OS9: variants seen among roughly 807,000 people sequenced by gnomAD.
OS9 encodes OS9 endoplasmic reticulum lectin.
In OS9, 58 loss-of-function variants were observed where a neutral mutation model predicts 84.7. That is an observed-to-expected ratio of 0.68 (90% CI 0.55 to 0.85). The LOEUF (loss-of-function observed/expected upper bound fraction) is 0.85. Among genes scored for constraint, OS9 ranks in the 40% least tolerant of loss-of-function variants. The pLI is 0.00. For synonymous variants in OS9, 278 were observed against 320.8 expected, an observed-to-expected ratio of 0.87 and a Z score of 1.43; for missense variants, 760 against 850.9, an observed-to-expected ratio of 0.89 and a Z score of 1.33.
intron 2 of OS9, 43 bp from the exon 3 acceptor site, chr12:57,695,737 G>A (rs1404578168): frequency 1.1e-5 from 14 of 1,286,320 alleles, no homozygotes; most frequent in Non-Finnish European, 1.5e-5. Flanking sequence ...AAGAAAAGAT[G>A]TCTGCACTCC....
rs1393596433 is a variant in OS9 at position 57,715,923 on chromosome 12, C to G, written c.743C>G (p.Pro248Arg). ...GCACCGCAGGCCATCCTCTGTCACC[C>G]TTCCCTACAGCCTGAGGAGTACATG... is the stretch of plus-strand genomic sequence containing the variant. ...SAAPQAILCH[P>R]SLQPEEYMAY... The change falls in exon 6 of 15, where the codon CCT becomes CGT. Residue 248 changes from proline to arginine, a missense_variant. Pro to Arg is a moderately radical substitution (Grantham distance 103, BLOSUM62 -2). Transcript: ENST00000315970. The G allele has an allele frequency of 3.1e-6, 5 of 1,613,378 alleles. No homozygotes were observed.
chr12:57,721,025 C>A lies in OS9; in HGVS notation c.*116C>A. 1 of 1,224,784 alleles carries A rather than the reference C, an allele frequency of 8.2e-7. No homozygotes were observed. Among genetic ancestry groups the A allele is most frequent in the Non-Finnish European group, 1.2e-6 (1 of 858,876 alleles). The allele number at this position is 1,224,784 out of a possible 1,614,324, so 75.9% of individuals were successfully genotyped here. On this transcript the variant is annotated 3_prime_UTR_variant, in exon 15 of 15. Transcript: ENST00000315970. ...GGCCAAACAGCAGAGTGGAGCTGAG[C>A]TGTGGACCTCTCGGGCAACTCTGTG... is the stretch of plus-strand genomic sequence containing the variant.
Position 57,721,056 on chromosome 12 carries a change from G to A in OS9, c.*147G>A. ...ACCTCTCGGGCAACTCTGTGGGTGT[G>A]GGGGCCCTGGGTGAATGCTGCTGCC... On this transcript the variant is annotated 3_prime_UTR_variant, in exon 15 of 15. Transcript: ENST00000315970. The A allele has an allele frequency of 1.2e-6, 1 of 859,804 alleles. No homozygotes were observed. The highest frequency in any genetic ancestry group is 1.8e-6 in the Non-Finnish European group (1 of 557,708). 53.3% of individuals were successfully genotyped at this position (859,804 alleles called of 1,614,324 possible). A position where few individuals can be genotyped will look rare whatever the true frequency, so the allele number is the denominator to read the frequency against.
chr12:57,708,944 G>C (rs959463626), intron 5 of OS9, among the ~76,000 whole-genome samples: 10 of 152,178 alleles, frequency 6.6e-5, no homozygotes, highest in Admixed American at 4.6e-4. Context: ...TTTCCCTATA[G>C]CCGTGCCAAC....
At chr12:57,716,370 C>T (rs985665594) in intron 7 of OS9, 42 bp from the exon 8 acceptor site, 2 of 1,483,062 alleles carry the variant, frequency 1.3e-6, no homozygotes, top group Non-Finnish European at 1.8e-6. Flanking sequence ...TCTGTCTCAC[C>T]CCTCCTGTCA....
Position 57,717,970 on chromosome 12 carries a change from G to C in OS9, c.1134+12G>C, listed in dbSNP as rs1954554691. On this transcript the variant is annotated intron_variant, in intron 10 of 14. Coordinates refer to ENST00000315970, the MANE Select transcript of OS9 (RefSeq NM_006812.4). ...GTGGAACAAAAAAGGTATAGGCCGT[G>C]CTTAGGGAATGGGTAGAACCCACCT... 6.2e-7 allele frequency: 1 copy of C among 1,601,102 alleles called. No homozygotes were observed. The highest frequency in any genetic ancestry group is 8.5e-7 in the Non-Finnish European group (1 of 1,174,748).
chr12:57,713,491 C>G (rs1057433725), intron 5 of OS9, among the ~76,000 whole-genome samples: 2 of 152,098 alleles, frequency 1.3e-5, no homozygotes, highest in Middle Eastern at 3.2e-3. Context: ...CAATCAGGGC[C>G]CCGATACTTT....
In OS9 at chr12:57,707,964, G is replaced by A. The variant is rs190181492; in HGVS notation, c.580-7796G>A. On this transcript the variant is annotated intron_variant, in intron 5 of 14. Transcript: ENST00000315970. ...AAAAATTAGCCAGGTGTGGTGGCAC[G>A]TGCCTGTGGTCCCAGCTACTTGGGA... Among the ~76,000 whole-genome samples the A allele has an allele frequency of 1.4e-4, 21 of 150,698 alleles. 1 individual carries two copies. In the East Asian group the frequency reaches 3.2e-3, roughly 23 times the overall value.
chr12:57,705,683 G>A (rs904410185), intron 5 of OS9, among the ~76,000 whole-genome samples: 2 of 152,070 alleles, frequency 1.3e-5, no homozygotes, highest in South Asian at 2.1e-4. Flanking sequence ...GTACCACCAC[G>A]CCCAGCTAAT....
intron 5 of OS9, among the ~76,000 whole-genome samples, chr12:57,707,000 C>CT (rs2140310662): frequency 6.6e-6 from 1 of 152,002 alleles, no homozygotes; most frequent in African/African-American, 2.4e-5. Context: ...CATCATGAAG[C>CT]TTTAATAAAG....
In OS9 at chr12:57,720,252, TCA is replaced by T; in HGVS notation, c.1757_1758del (p.Thr586SerfsTer6). 3 of 1,613,848 alleles carry T rather than the reference TCA, an allele frequency of 1.9e-6. No individual in the cohort carries two copies. Among genetic ancestry groups the T allele is most frequent in the Non-Finnish European group, 2.5e-6 (3 of 1,179,916 alleles). On this transcript the variant is annotated frameshift_variant, in exon 13 of 15. Coordinates refer to ENST00000315970, the MANE Select transcript of OS9 (RefSeq NM_006812.4). LOFTEE classifies it high-confidence loss of function. ...AAGGAGCTGCTGGAGAGGGAGGGAC[TCA>T]CAGCTGCAGGTGGGCCCTGGAGGGC...
intron 5 of OS9, among the ~76,000 whole-genome samples, chr12:57,714,404 C>T (rs1486434786): frequency 2.0e-5 from 3 of 152,120 alleles, no homozygotes; most frequent in Non-Finnish European, 4.4e-5. Context: ...GGGGTTTCTC[C>T]ATGTTGGTCA....
In OS9 at chr12:57,718,542, G is replaced by T; in HGVS notation, c.1410+121G>T. 4.8e-6 allele frequency: 5 copies of T among 1,042,072 alleles called. No homozygotes were observed. The South Asian group carries it at 6.5e-5, about 14-fold the overall frequency. 64.6% of individuals were successfully genotyped at this position (1,042,072 alleles called of 1,614,324 possible). ...GGGCAAGGACGGGGCACTTGGAAGT[G>T]GTAGCTGTTTCCCTAATTAATCGGG... is the stretch of plus-strand genomic sequence containing the variant. On this transcript the variant is annotated intron_variant, in intron 11 of 14. Transcript: ENST00000315970.
Position 57,721,003 on chromosome 12 carries a change from C to T in OS9, c.*94C>T. ...TCCCCACCCTGGAACCCCTGAGGGC[C>T]AAACAGCAGAGTGGAGCTGAGCTGT... is the stretch of plus-strand genomic sequence containing the variant. On this transcript the variant is annotated 3_prime_UTR_variant, in exon 15 of 15. Transcript: ENST00000315970. The T allele has an allele frequency of 7.0e-7, 1 of 1,436,972 alleles. No individual in the cohort carries two copies. The highest frequency in any genetic ancestry group is 1.8e-5 in the Admixed American group (1 of 57,124). 89.0% of individuals were successfully genotyped at this position (1,436,972 alleles called of 1,614,324 possible). A position where few individuals can be genotyped will look rare whatever the true frequency, so the allele number is the denominator to read the frequency against.
At chr12:57,719,372 A>C (rs980595114) in intron 12 of OS9, 190 bp downstream of exon 12, 15 of 596,918 alleles carry the variant, frequency 2.5e-5, no homozygotes, top group Non-Finnish European at 3.6e-5. Context: ...CCTCCTATTC[A>C]TCCCTCTGGG....
Position 57,715,982 on chromosome 12 carries a change from G to A in OS9, c.790+12G>A. 6.2e-7 allele frequency: 1 copy of A among 1,609,652 alleles called. No homozygotes were observed. The stretch of plus-strand genomic sequence containing the variant: ...TCAGAGGCAAGCCGGTGAGTAATTA[G>A]AGAAGGAGGAGAAGACGGGGAGATA... On this transcript the variant is annotated intron_variant, in intron 6 of 14. Coordinates refer to ENST00000315970, the MANE Select transcript of OS9 (RefSeq NM_006812.4).
rs1035154620 is a variant in OS9, at chr12:57,721,155, C to T, written c.*246C>T. On this transcript the variant is annotated 3_prime_UTR_variant, in exon 15 of 15. Coordinates refer to ENST00000315970, the MANE Select transcript of OS9 (RefSeq NM_006812.4). ...TCCTGAACTCTCACTCAATCCTCTT[C>T]CTCTCCTCTGTGGCTTTTCCTGTTA... 1 of 458,700 alleles carries T rather than the reference C, an allele frequency of 2.2e-6. No individual in the cohort carries two copies. The highest frequency in any genetic ancestry group is 2.0e-5 in the African/African-American group (1 of 49,702). The allele number at this position is 458,700 out of a possible 1,614,324, so 28.4% of individuals were successfully genotyped here.
rs1338386823 is a variant in OS9 at position 57,719,041 on chromosome 12, G to A, written c.1459G>A (p.Asp487Asn). Residue 487 changes from aspartate to asparagine, a missense_variant, in exon 12 of 15, where the codon GAT (aspartate) becomes AAT (asparagine). Coordinates refer to ENST00000315970, the MANE Select transcript of OS9 (RefSeq NM_006812.4). ...PDGLKKESER[D>N]RAMLALTSTL... ...TGGGCTGAAGAAGGAGTCAGAGCGG[G>A]ATCGGGCAATGCTGGCTCTCACATC... The A allele has an allele frequency of 6.2e-7, 1 of 1,613,996 alleles. No homozygotes were observed. Among genetic ancestry groups the A allele is most frequent in the African/African-American group, 1.3e-5 (1 of 74,920 alleles).
intron 5 of OS9, among the ~76,000 whole-genome samples, chr12:57,714,459 C>A (rs1954424165): frequency 6.6e-6 from 1 of 152,198 alleles, no homozygotes; most frequent in Admixed American, 6.5e-5. Flanking sequence ...CCTGCCTCGG[C>A]CTCCCAAAGT....
Sources: gnomAD v4.1 joint callset for allele counts (sites outside exome capture counted in the v4.1 genomes callset) on GRCh38, gnomAD v4.1.1 for gene constraint, MANE v1.5 for transcripts, NCBI Gene and HGNC (gene_info 2026-07-23, HGNC 2026-07-21) for gene names.